GRM8: variants seen among roughly 807,000 people sequenced by gnomAD.
The protein encoded by GRM8 is glutamate metabotropic receptor 8.
In GRM8, 47 loss-of-function variants were observed where a neutral mutation model predicts 87.2. The ratio of observed to expected loss-of-function variants is 0.54; its 90% confidence interval spans 0.43 to 0.69. GRM8 has a LOEUF of 0.69. GRM8 is among the 30% of genes least tolerant of loss of function. The pLI, the probability that GRM8 is intolerant of heterozygous loss-of-function variation, is 0.00. For synonymous variants in GRM8, 396 were observed against 404.5 expected, an observed-to-expected ratio of 0.98 and a Z score of 0.25; for missense variants, 1,019 against 1,139.2, an observed-to-expected ratio of 0.89 and a Z score of 1.52.
At chr7:126,656,682 A>T (rs1239998295) in intron 7 of GRM8, among the ~76,000 whole-genome samples, 1 of 151,758 alleles carries the variant, frequency 6.6e-6, no homozygotes, top group Non-Finnish European at 1.5e-5. Context: ...ATAAAAAAAT[A>T]AAAAAACAAA....
intron 2 of GRM8, among the ~76,000 whole-genome samples, chr7:127,227,177 C>T (rs1368798239): frequency 6.6e-6 from 1 of 152,190 alleles, no homozygotes; most frequent in Non-Finnish European, 1.5e-5. Flanking sequence ...TCAGCAGCGC[C>T]ACTGGGAGGC....
At chr7:126,609,284 C>A (rs904400450) in intron 8 of GRM8, 78 bp downstream of exon 8, 95 of 1,060,074 alleles carry the variant, frequency 9.0e-5, no homozygotes, top group Non-Finnish European at 1.2e-4. Context: ...CCTATTCTAG[C>A]AAAAGTTATA....
chr7:127,233,330 T>A (rs554578912), intron 2 of GRM8, among the ~76,000 whole-genome samples: 2 of 152,172 alleles, frequency 1.3e-5, no homozygotes, highest in Non-Finnish European at 1.5e-5. Context: ...AAATAATCTA[T>A]AATTTGAACA....
chr7:126,539,654 C>T (rs548532462), intron 8 of GRM8, among the ~76,000 whole-genome samples: 5 of 151,942 alleles, frequency 3.3e-5, no homozygotes, highest in South Asian at 2.1e-4. Flanking sequence ...ATAATATAAA[C>T]GTGTATGTTC....
At chr7:126,900,512 T>A (rs955686940) in intron 6 of GRM8, among the ~76,000 whole-genome samples, 5 of 152,040 alleles carry the variant, frequency 3.3e-5, no homozygotes, top group Admixed American at 2.6e-4. Flanking sequence ...TTTGTTTTGT[T>A]TTGTTTTGTT....
chr7:126,803,669 C>T (rs2151715639), intron 6 of GRM8, among the ~76,000 whole-genome samples: 1 of 152,296 alleles, frequency 6.6e-6, no homozygotes, highest in Non-Finnish European at 1.5e-5. Context: ...ACTCCACAAA[C>T]CAAGTAAACA....
chr7:126,622,215 G>T (rs777487877), intron 7 of GRM8, among the ~76,000 whole-genome samples: 1 of 152,080 alleles, frequency 6.6e-6, no homozygotes, highest in Admixed American at 6.6e-5. Flanking sequence ...AATTTTGCAT[G>T]CTAGGTGCCT....
chr7:126,475,723 C>A (rs571599476), intron 9 of GRM8, among the ~76,000 whole-genome samples: 1 of 152,062 alleles, frequency 6.6e-6, no homozygotes, highest in African/African-American at 2.4e-5. Context: ...AACTACATTA[C>A]AAAGCTATAG....
chr7:126,933,534 G>C (rs1268487612), intron 3 of GRM8, among the ~76,000 whole-genome samples: 1 of 152,122 alleles, frequency 6.6e-6, no homozygotes, highest in Non-Finnish European at 1.5e-5. Context: ...CACAGCACCT[G>C]GTGTTCTTAG....
At chr7:126,744,824 T>G (rs943965105) in intron 7 of GRM8, among the ~76,000 whole-genome samples, 1 of 152,098 alleles carries the variant, frequency 6.6e-6, no homozygotes, top group East Asian at 1.9e-4. Context: ...GTGGAAGATA[T>G]AAGAATGCAA....
chr7:126,988,105 G>A (rs1206367071), intron 3 of GRM8, among the ~76,000 whole-genome samples: 1 of 151,880 alleles, frequency 6.6e-6, no homozygotes, highest in Non-Finnish European at 1.5e-5. Flanking sequence ...CAGATGCACT[G>A]AGCTTTTCAA....
At position 127,243,401 on chromosome 7, in the gene GRM8, C is replaced by T. The variant is rs1435992746; in HGVS notation, c.-197G>A. The T allele has an allele frequency of 3.6e-6, 2 of 555,292 alleles. No homozygotes were observed. Among genetic ancestry groups the T allele is most frequent in the Non-Finnish European group, 6.3e-6 (2 of 318,150 alleles). The allele number at this position is 555,292 out of a possible 1,614,324, so 34.4% of individuals were successfully genotyped here. ...AGACCCCTAAGGTTCAATTTTATTTCCTTATAAGATCAACTTGCCTGGAAT... is the reference window on the plus strand; with the variant it reads ...AGACCCCTAAGGTTCAATTTTATTTTCTTATAAGATCAACTTGCCTGGAAT... On this transcript the variant is annotated 5_prime_UTR_variant, in exon 2 of 11. Transcript: ENST00000339582.
At chr7:126,777,385 A>T (rs953281315) in intron 6 of GRM8, among the ~76,000 whole-genome samples, 2 of 152,202 alleles carry the variant, frequency 1.3e-5, no homozygotes, top group Non-Finnish European at 2.9e-5. Context: ...TTGCAAAGTA[A>T]TGGCAGTAAA....
At chr7:126,684,081 G>C (rs911668991) in intron 7 of GRM8, among the ~76,000 whole-genome samples, 2 of 152,170 alleles carry the variant, frequency 1.3e-5, no homozygotes, top group Admixed American at 1.3e-4. Context: ...GAGCAGGAAG[G>C]AAAGAAGTAG....
intron 7 of GRM8, among the ~76,000 whole-genome samples, chr7:126,646,838 T>C (rs1004124580): frequency 1.3e-5 from 2 of 152,172 alleles, no homozygotes; most frequent in Admixed American, 1.3e-4. Context: ...CTGGTAATAC[T>C]CTTGGTGTTA....
At chr7:127,115,039 C>A (rs959729451) in intron 2 of GRM8, among the ~76,000 whole-genome samples, 1 of 152,206 alleles carries the variant, frequency 6.6e-6, no homozygotes, top group East Asian at 1.9e-4. Context: ...CGGAAGCCAC[C>A]TTGAGGGGTG....
intron 2 of GRM8, among the ~76,000 whole-genome samples, chr7:127,137,163 AG>A (rs1163511198): frequency 6.6e-6 from 1 of 151,456 alleles, no homozygotes; most frequent in East Asian, 1.9e-4. Context: ...TGAAGATAAA[AG>A]CAGGACTGTT....
chr7:126,957,853 A>T (rs1457064326), intron 3 of GRM8, among the ~76,000 whole-genome samples: 1 of 152,182 alleles, frequency 6.6e-6, no homozygotes, highest in Non-Finnish European at 1.5e-5. Context: ...GATGCCCTGA[A>T]GCCCGGGGGC....
intron 6 of GRM8, among the ~76,000 whole-genome samples, chr7:126,771,894 T>C (rs770052514): frequency 2.0e-5 from 3 of 152,122 alleles, no homozygotes; most frequent in Non-Finnish European, 4.4e-5. Flanking sequence ...CTTAGCTGCA[T>C]GATCTAAGCT....
Sources: allele counts gnomAD v4.1 joint callset (sites outside exome capture counted in the v4.1 genomes callset), GRCh38; gene constraint gnomAD v4.1.1; transcripts MANE v1.5; gene names NCBI Gene and HGNC (gene_info 2026-07-23, HGNC 2026-07-21).